KLHL29: variants seen among roughly 807,000 people sequenced by gnomAD.
KLHL29 encodes kelch-like protein 29.
In KLHL29, 21 loss-of-function variants were observed where a neutral mutation model predicts 80.4. The ratio of observed to expected loss-of-function variants is 0.26; its 90% CI spans 0.19 to 0.38. The LOEUF is 0.38. KLHL29 is among the 10% of genes least tolerant of loss of function. KLHL29 has a pLI of 1.00. For synonymous variants in KLHL29, 511 were observed against 526.8 expected (o/e 0.97, Z 0.41); for missense variants, 867 against 1,223.9 (o/e 0.71, Z 4.35).
At chr2:23,579,126 G>C (rs1397080300) in intron 3 of KLHL29, among the ~76,000 whole-genome samples, 1 of 152,228 alleles carries the variant, frequency 6.6e-6, no homozygotes, top group South Asian at 2.1e-4. Context: ...CATTTGTGGA[G>C]GGCCAGGCCC....
Position 23,433,489 on chromosome 2 carries a change from C to G in KLHL29, c.-153-42071C>G, listed in dbSNP as rs139538426. 4.3e-3 allele frequency among the ~76,000 whole-genome samples: 659 copies of G among 151,616 alleles called. 15 individuals carry two copies. Among genetic ancestry groups the G allele is most frequent in the Admixed American group, 0.032 (488 of 15,248 alleles). On this transcript the variant is annotated intron_variant, in intron 1 of 13. Transcript: ENST00000486442. ...GACCTGGCAGTGCTGTCCAGGTGTC[C>G]TGGCACCTGTGGGACATTGGTCTGG...
chr2:23,403,124 C>T (rs1461266437), intron 1 of KLHL29, among the ~76,000 whole-genome samples: 1 of 152,022 alleles, frequency 6.6e-6, no homozygotes, highest in Non-Finnish European at 1.5e-5. Context: ...ATAACATTTT[C>T]TGGTTTTTAA....
At position 23,695,867 on chromosome 2, in the gene KLHL29, G is replaced by A. The variant is rs1396716574; in HGVS notation, c.1741+46G>A. ...AACCTCCCAAGAAGCAGTGTCTTGGGCTCAGTGGTTCCAGTGAGGTGCCAG... is the reference window on the plus strand; with the variant it reads ...AACCTCCCAAGAAGCAGTGTCTTGGACTCAGTGGTTCCAGTGAGGTGCCAG... On this transcript the variant is annotated intron_variant, in intron 9 of 13. Coordinates refer to ENST00000486442, the MANE Select transcript of KLHL29 (RefSeq NM_052920.2). The surrounding 1 kb of genome is among the most constrained non-coding windows in gnomAD (Gnocchi z 7.6). 6.5e-7 allele frequency: 1 copy of A among 1,536,492 alleles called. No individual in the cohort carries two copies. Among genetic ancestry groups the A allele is most frequent in the Admixed American group, 2.0e-5 (1 of 50,322 alleles).
At chr2:23,595,309 A>G (rs1668369768) in intron 3 of KLHL29, among the ~76,000 whole-genome samples, 1 of 152,010 alleles carries the variant, frequency 6.6e-6, no homozygotes, top group Admixed American at 6.6e-5. Flanking sequence ...CTCCCACAAA[A>G]CCCTACCAAA....
chr2:23,418,825 G>A (rs1343720120), intron 1 of KLHL29, among the ~76,000 whole-genome samples: 1 of 151,994 alleles, frequency 6.6e-6, no homozygotes, highest in Non-Finnish European at 1.5e-5. Context: ...AAAGACTACA[G>A]AGCATTGTGT....
At chr2:23,674,859 C>A (rs1168122484) in intron 5 of KLHL29, among the ~76,000 whole-genome samples, 1 of 152,094 alleles carries the variant, frequency 6.6e-6, no homozygotes, top group Non-Finnish European at 1.5e-5. Flanking sequence ...GGTAGGGCCA[C>A]CCTGCCCCTA....
rs1667393519 is a variant in KLHL29 at position 23,559,627 on chromosome 2, G to C, written c.-45-2525G>C. Reference sequence around the variant, plus strand: ...TTTCTCTGAGAGAGGGAATTCCTGAGGATGGGTGTTTGGGCGAAGGAACAT... The same window carrying C: ...TTTCTCTGAGAGAGGGAATTCCTGACGATGGGTGTTTGGGCGAAGGAACAT... On this transcript the variant is annotated intron_variant, in intron 2 of 13. Coordinates refer to ENST00000486442, the MANE Select transcript of KLHL29 (RefSeq NM_052920.2). Among the ~76,000 whole-genome samples, 4 of 152,274 alleles carry C rather than the reference G, an allele frequency of 2.6e-5. No individual in the cohort carries two copies. The South Asian group carries it at 8.3e-4, about 32-fold the overall frequency.
At chr2:23,679,185 C>A (rs897889413) in intron 5 of KLHL29, among the ~76,000 whole-genome samples, 2 of 152,148 alleles carry the variant, frequency 1.3e-5, no homozygotes, top group African/African-American at 4.8e-5. Context: ...GCTTAACAAA[C>A]AATTCTAAAA....
chr2:23,486,712 A>G (rs967932781), intron 2 of KLHL29, among the ~76,000 whole-genome samples: 1 of 152,234 alleles, frequency 6.6e-6, no homozygotes, highest in African/African-American at 2.4e-5. Context: ...GAGGGCGAGC[A>G]CAGCTGCGGA....
intron 3 of KLHL29, among the ~76,000 whole-genome samples, chr2:23,593,007 G>T (rs973885410): frequency 1.3e-5 from 2 of 152,156 alleles, no homozygotes; most frequent in African/African-American, 4.8e-5. Context: ...GAGTGCTGTG[G>T]TTTGTGTCCA....
intron 7 of KLHL29, among the ~76,000 whole-genome samples, chr2:23,692,424 C>A (rs1671673159): frequency 6.6e-6 from 1 of 152,228 alleles, no homozygotes; most frequent in African/African-American, 2.4e-5. Context: ...TTGATGCTAC[C>A]CCGCATGGGC....
chr2:23,530,504 G>A (rs1053857710), intron 2 of KLHL29, among the ~76,000 whole-genome samples: 3 of 152,212 alleles, frequency 2.0e-5, no homozygotes, highest in African/African-American at 7.2e-5. Context: ...GTTGAAACAT[G>A]TTAGCGTTTT....
At chr2:23,544,193 C>T (rs540309914) in intron 2 of KLHL29, among the ~76,000 whole-genome samples, 11 of 152,098 alleles carry the variant, frequency 7.2e-5, no homozygotes, top group African/African-American at 2.2e-4. Context: ...GGAGAGAAGA[C>T]GGGCACGAGA....
At chr2:23,702,393 T>C (rs960817344) in intron 11 of KLHL29, among the ~76,000 whole-genome samples, 4 of 152,240 alleles carry the variant, frequency 2.6e-5, no homozygotes, top group African/African-American at 4.8e-5. Context: ...TCATGGATTT[T>C]ATTGAACACT....
In KLHL29 at chr2:23,703,759, T is replaced by C. The variant is rs1672538886; in HGVS notation, c.2340T>C (p.Val780=). The C allele has an allele frequency of 1.3e-6, 2 of 1,537,294 alleles. No homozygotes were observed. The highest frequency in any genetic ancestry group is 8.7e-7 in the Non-Finnish European group (1 of 1,146,908). ...CCGCTGTCACGCTCAATGGCTTCGT[T>C]TTCATCCTGGGCGGGGCTTATGCCA... ...YAPAVTLNGF[V]FILGGAYARA... is the part of the protein sequence containing the mutation. The change falls in exon 13 of 14, where the codon GTT becomes GTC. Residue 780 remains valine, a synonymous_variant. Coordinates refer to ENST00000486442, the MANE Select transcript of KLHL29 (RefSeq NM_052920.2).
At chr2:23,538,661 G>C (rs553683908) in intron 2 of KLHL29, among the ~76,000 whole-genome samples, 2 of 152,346 alleles carry the variant, frequency 1.3e-5, no homozygotes, top group South Asian at 2.1e-4. Flanking sequence ...TCTGTTAGCT[G>C]TCTGGGCTGC....
intron 2 of KLHL29, among the ~76,000 whole-genome samples, chr2:23,508,438 G>A (rs930537241): frequency 6.6e-6 from 1 of 152,218 alleles, no homozygotes. Context: ...GAAGCTCAGG[G>A]CCATGAGGAG....
chr2:23,504,035 G>A (rs1665526078), intron 2 of KLHL29, among the ~76,000 whole-genome samples: 1 of 152,128 alleles, frequency 6.6e-6, no homozygotes, highest in East Asian at 1.9e-4. Flanking sequence ...CTGACCAGAG[G>A]CAGTGTCTGG....
intron 2 of KLHL29, among the ~76,000 whole-genome samples, chr2:23,514,642 A>G (rs1357664070): frequency 6.6e-6 from 1 of 152,160 alleles, no homozygotes; most frequent in Non-Finnish European, 1.5e-5. Flanking sequence ...GGATCTTGCC[A>G]TTGTCAGTCA....
Sources: gnomAD v4.1 joint callset for allele counts (sites outside exome capture counted in the v4.1 genomes callset) on GRCh38, gnomAD v4.1.1 for gene constraint, Gnocchi (gnomAD v3.1) non-coding constraint, MANE v1.5 for transcripts, NCBI Gene and HGNC (gene_info 2026-07-23, HGNC 2026-07-21) for gene names.